RBFOX1: variants seen among roughly 807,000 people sequenced by gnomAD.
RBFOX1 encodes the protein RNA binding protein fox-1 homolog 1.
Under a neutral mutation model 57.7 loss-of-function variants are expected in RBFOX1, and 8 were observed. The observed-to-expected ratio is 0.14, with a 90% CI of 0.08 to 0.25. The LOEUF (loss-of-function observed/expected upper bound fraction) is 0.25, where lower values mean the gene tolerates loss of function less well. RBFOX1 is among the 10% of genes least tolerant of loss of function. The pLI, the probability that RBFOX1 is intolerant of heterozygous loss-of-function variation, is 1.00. For synonymous variants in RBFOX1, 326 were observed against 222.4 expected (o/e 1.47, Z -4.15); for missense variants, 611 against 548.5 (o/e 1.11, Z -1.14).
chr16:6,837,016 C>A (rs191707019), intron 3 of RBFOX1, among the ~76,000 whole-genome samples: 1 of 152,160 alleles, frequency 6.6e-6, no homozygotes, highest in East Asian at 1.9e-4. Context: ...GATGAACACA[C>A]CTATTTACTC....
intron 2 of RBFOX1, among the ~76,000 whole-genome samples, chr16:6,346,993 C>G (rs1005780363): frequency 6.6e-5 from 10 of 152,034 alleles, no homozygotes; most frequent in African/African-American, 2.4e-4. Flanking sequence ...CATGTACAGC[C>G]TTGTTTACAT....
chr16:6,093,788 ATT>A (rs1173141515), intron 1 of RBFOX1, among the ~76,000 whole-genome samples: 1 of 143,478 alleles, frequency 7.0e-6, no homozygotes, highest in African/African-American at 2.5e-5. Flanking sequence ...TGCCCCACTC[ATT>A]TTTTTTTTTG....
rs189546755 is a variant in RBFOX1 at position 5,272,634 on chromosome 16, C to T, written c.219+32529C>T. On this transcript the variant is annotated intron_variant, in intron 1 of 2. Transcript: ENST00000585867. Reference sequence around the variant, plus strand: ...TTCCGGGAGCATACAACACTTACAGCAAGAATTAATGGCTTTTGTTGACTT... The same window carrying T: ...TTCCGGGAGCATACAACACTTACAGTAAGAATTAATGGCTTTTGTTGACTT... 3.3e-5 allele frequency among the ~76,000 whole-genome samples: 5 copies of T among 152,302 alleles called. No individual in the cohort carries two copies. The East Asian group carries it at 9.6e-4, about 29-fold the overall frequency.
chr16:7,546,298 G>C (rs1218870850), intron 5 of RBFOX1, among the ~76,000 whole-genome samples: 1 of 151,656 alleles, frequency 6.6e-6, no homozygotes, highest in African/African-American at 2.4e-5. Context: ...CTGCACTCTA[G>C]CCTGGGCAAA....
At chr16:6,626,195 G>C (rs1282205999) in intron 2 of RBFOX1, among the ~76,000 whole-genome samples, 2 of 142,590 alleles carry the variant, frequency 1.4e-5, no homozygotes, top group South Asian at 2.2e-4. Context: ...CTGACCTTCT[G>C]CTGTCCATCA....
chr16:6,475,529 T>G (rs2153086372), intron 2 of RBFOX1, among the ~76,000 whole-genome samples: 1 of 152,364 alleles, frequency 6.6e-6, no homozygotes, highest in South Asian at 2.1e-4. Flanking sequence ...ACGTGGTCAC[T>G]TACCAGCAAC....
intron 4 of RBFOX1, among the ~76,000 whole-genome samples, chr16:5,982,322 G>A (rs1205527363): frequency 6.6e-6 from 1 of 151,982 alleles, no homozygotes; most frequent in South Asian, 2.1e-4. Flanking sequence ...TGCACAGGCT[G>A]GAGTGCAGTG....
At chr16:6,932,918 C>T (rs919049397) in intron 3 of RBFOX1, among the ~76,000 whole-genome samples, 3 of 152,216 alleles carry the variant, frequency 2.0e-5, no homozygotes, top group Non-Finnish European at 2.9e-5. Flanking sequence ...CCCCCAGCCC[C>T]TGGCAACTAC....
rs2091789446 is a variant in RBFOX1, at chr16:6,381,294, A to T, written c.-64+64237A>T. ...CCATCACTGGAATAGTAAACATTGT[A>T]CCCAAAAGGTAATTTTTCAACCCTC... On this transcript the variant is annotated intron_variant, in intron 2 of 15. Coordinates refer to ENST00000550418, the MANE Select transcript of RBFOX1 (RefSeq NM_018723.4). Among the ~76,000 whole-genome samples, 3 of 152,190 alleles carry T rather than the reference A, an allele frequency of 2.0e-5. No individual in the cohort carries two copies. The South Asian group carries it at 6.2e-4, about 32-fold the overall frequency.
intron 3 of RBFOX1, among the ~76,000 whole-genome samples, chr16:5,666,639 G>C (rs2049853894): frequency 6.6e-6 from 1 of 152,244 alleles, no homozygotes; most frequent in South Asian, 2.1e-4. Flanking sequence ...TAATAGGACT[G>C]GCAGTGAGCT....
chr16:6,925,853 T>TA (rs557230013), intron 3 of RBFOX1, among the ~76,000 whole-genome samples: 45 of 150,590 alleles, frequency 3.0e-4, no homozygotes, highest in African/African-American at 8.8e-4. Context: ...TTATGTGATT[T>TA]AAAAAAAAAA....
intron 1 of RBFOX1, among the ~76,000 whole-genome samples, chr16:5,307,418 C>T (rs1418650728): frequency 1.3e-5 from 2 of 152,176 alleles, no homozygotes; most frequent in East Asian, 1.9e-4. Context: ...AAAGGAAACA[C>T]ATGCTCGTGG....
chr16:6,873,410 A>G (rs2061294795), intron 3 of RBFOX1, among the ~76,000 whole-genome samples: 1 of 152,192 alleles, frequency 6.6e-6, no homozygotes, highest in African/African-American at 2.4e-5. Flanking sequence ...ATTAAAGAAG[A>G]AGTGCTCACT....
intron 3 of RBFOX1, among the ~76,000 whole-genome samples, chr16:6,782,659 C>G (rs1013166835): frequency 6.6e-6 from 1 of 152,130 alleles, no homozygotes; most frequent in Non-Finnish European, 1.5e-5. Context: ...ATGGTCTACC[C>G]TGGAGAATAT....
chr16:7,420,763 T>C (rs1434243208), intron 4 of RBFOX1, among the ~76,000 whole-genome samples: 2 of 151,586 alleles, frequency 1.3e-5, no homozygotes, highest in African/African-American at 4.8e-5. Context: ...TTTCTTTATA[T>C]TGATCTTTTT....
intron 4 of RBFOX1, among the ~76,000 whole-genome samples, chr16:5,965,582 C>T (rs2059827391): frequency 6.6e-6 from 1 of 152,068 alleles, no homozygotes. Context: ...AGGTGGAAAG[C>T]CCAACATTTT....
chr16:5,424,751 G>A (rs181142235), intron 1 of RBFOX1, among the ~76,000 whole-genome samples: 4 of 152,080 alleles, frequency 2.6e-5, no homozygotes, highest in African/African-American at 7.2e-5. Context: ...TTGGGGTTTG[G>A]TGTATGAATG....
chr16:6,981,345 C>G (rs1045445952), intron 3 of RBFOX1, among the ~76,000 whole-genome samples: 22 of 152,064 alleles, frequency 1.4e-4, no homozygotes, highest in African/African-American at 5.3e-4. Context: ...TTAGCTCCTA[C>G]TTTACTTTTC....
intron 1 of RBFOX1, among the ~76,000 whole-genome samples, chr16:6,282,291 T>C (rs946929037): frequency 6.6e-6 from 1 of 152,052 alleles, no homozygotes; most frequent in African/African-American, 2.4e-5. Flanking sequence ...TGTCTCCTTT[T>C]CTGAACAGCA....
Sources: gnomAD v4.1 joint callset for allele counts (sites outside exome capture counted in the v4.1 genomes callset) on GRCh38, gnomAD v4.1.1 for gene constraint, MANE v1.5 for transcripts, NCBI Gene and HGNC (gene_info 2026-07-23, HGNC 2026-07-21) for gene names.